PRKG1: variants seen among roughly 807,000 people sequenced by gnomAD.
The protein encoded by PRKG1 is protein kinase cGMP-dependent 1.
A neutral mutation model predicts 88.1 loss-of-function variants in PRKG1; 35 were observed. That is an observed-to-expected ratio of 0.40 (90% CI 0.30 to 0.53). The LOEUF (loss-of-function observed/expected upper bound fraction) is 0.53. Among genes scored for constraint, PRKG1 ranks in the 20% least tolerant of loss-of-function variants. PRKG1 has a pLI of 0.59. For synonymous variants in PRKG1, 303 were observed against 292.5 expected (o/e 1.04, Z -0.37); for missense variants, 540 against 839.8 (o/e 0.64, Z 4.41).
intron 2 of PRKG1, among the ~76,000 whole-genome samples, chr10:51,361,013 G>A (rs1389604387): frequency 1.3e-5 from 2 of 151,808 alleles, no homozygotes; most frequent in Non-Finnish European, 2.9e-5. Flanking sequence ...TGTGTCATTG[G>A]AGCTATAGTA....
At chr10:51,164,958 A>G (rs1437366654) in intron 2 of PRKG1, among the ~76,000 whole-genome samples, 1 of 152,240 alleles carries the variant, frequency 6.6e-6, no homozygotes, top group East Asian at 1.9e-4. Flanking sequence ...AATGGAACCA[A>G]GTTGGAAAAC....
chr10:51,469,268 T>C (rs1320334107), intron 3 of PRKG1, among the ~76,000 whole-genome samples: 1 of 151,888 alleles, frequency 6.6e-6, no homozygotes, highest in Non-Finnish European at 1.5e-5. Flanking sequence ...GAATAGCATA[T>C]TTTGATGATA....
chr10:51,758,143 T>G, intron 3 of PRKG1, among the ~76,000 whole-genome samples: 1 of 152,308 alleles, frequency 6.6e-6, no homozygotes, highest in South Asian at 2.1e-4. Flanking sequence ...AAAAAAAAAT[T>G]TAAACTATGT....
intron 2 of PRKG1, among the ~76,000 whole-genome samples, chr10:51,422,429 G>C (rs1227844652): frequency 6.6e-6 from 1 of 152,166 alleles, no homozygotes; most frequent in Non-Finnish European, 1.5e-5. Context: ...GTTTTCATGG[G>C]CCAGTTGCCG....
intron 2 of PRKG1, among the ~76,000 whole-genome samples, chr10:51,334,867 T>G (rs534732289): frequency 2.0e-5 from 3 of 152,106 alleles, no homozygotes; most frequent in African/African-American, 7.2e-5. Flanking sequence ...TAAAAGGGAA[T>G]GTAGGAGAAG....
intron 3 of PRKG1, among the ~76,000 whole-genome samples, chr10:51,488,819 C>A (rs955924982): frequency 6.6e-6 from 1 of 152,096 alleles, no homozygotes; most frequent in Non-Finnish European, 1.5e-5. Context: ...CTCTTGTTAT[C>A]CCAGGGATTC....
chr10:51,186,063 G>A lies in PRKG1; in HGVS notation c.478+32733G>A, dbSNP rs1435493224. On this transcript the variant is annotated intron_variant, in intron 2 of 17. Transcript: ENST00000373980. ...ACTTCCATATGCATGTTTTGCTTGA[G>A]TACCTGAATAAATCTTTTTGTATCT... is the stretch of plus-strand genomic sequence containing the variant. Among the ~76,000 whole-genome samples, 3 of 151,640 alleles carry A rather than the reference G, an allele frequency of 2.0e-5. No homozygotes were observed. In the East Asian group the frequency reaches 5.8e-4, roughly 29 times the overall value.
chr10:51,776,447 T>C (rs530440908), intron 3 of PRKG1, among the ~76,000 whole-genome samples: 1 of 152,276 alleles, frequency 6.6e-6, no homozygotes, highest in African/African-American at 2.4e-5. Context: ...TTTTAATACA[T>C]TTTAAGACCC....
chr10:51,274,141 T>A (rs1258760047), intron 2 of PRKG1, among the ~76,000 whole-genome samples: 2 of 152,158 alleles, frequency 1.3e-5, no homozygotes, highest in Non-Finnish European at 1.5e-5. Context: ...GTGTCATAAT[T>A]TTTTTTCTGG....
At chr10:51,350,459 A>G (rs998196883) in intron 2 of PRKG1, among the ~76,000 whole-genome samples, 2 of 152,178 alleles carry the variant, frequency 1.3e-5, no homozygotes, top group Non-Finnish European at 2.9e-5. Flanking sequence ...GCCACATACT[A>G]CAGACCCACA....
chr10:51,834,761 GA>G (rs1222844658), intron 4 of PRKG1, among the ~76,000 whole-genome samples: 30 of 151,670 alleles, frequency 2.0e-4, no homozygotes, highest in Non-Finnish European at 7.4e-5. Flanking sequence ...GAAAGGAAAA[GA>G]AAAGAAAAAA....
At chr10:51,398,237 T>A (rs1837633326) in intron 2 of PRKG1, among the ~76,000 whole-genome samples, 1 of 152,164 alleles carries the variant, frequency 6.6e-6, no homozygotes, top group African/African-American at 2.4e-5. Flanking sequence ...AGGATGAAAC[T>A]GTTTCATCTC....
At chr10:52,278,948 A>T (rs1841938472) in intron 12 of PRKG1, among the ~76,000 whole-genome samples, 1 of 152,008 alleles carries the variant, frequency 6.6e-6, no homozygotes, top group Non-Finnish European at 1.5e-5. Context: ...AAATAAAATA[A>T]GACCATTCCC....
intron 1 of PRKG1, among the ~76,000 whole-genome samples, chr10:51,146,895 A>T (rs1845959243): frequency 6.6e-6 from 1 of 152,216 alleles, no homozygotes; most frequent in Admixed American, 6.5e-5. Context: ...GAATCAATCT[A>T]AATGTCCATC....
intron 2 of PRKG1, among the ~76,000 whole-genome samples, chr10:51,261,537 A>T (rs970093742): frequency 3.3e-5 from 5 of 152,216 alleles, no homozygotes; most frequent in African/African-American, 1.2e-4. Context: ...AAAAATTTCC[A>T]GGCACATGTC....
intron 9 of PRKG1, among the ~76,000 whole-genome samples, chr10:52,199,507 A>G (rs1839601952): frequency 6.6e-6 from 1 of 152,174 alleles, no homozygotes; most frequent in Non-Finnish European, 1.5e-5. Flanking sequence ...TTTATATTTT[A>G]GGGAAAATTC....
At chr10:51,690,754 C>T (rs975659229) in intron 3 of PRKG1, among the ~76,000 whole-genome samples, 8 of 151,630 alleles carry the variant, frequency 5.3e-5, no homozygotes, top group South Asian at 4.2e-4. Flanking sequence ...GGTGAAACCC[C>T]GTCTCTACTA....
intron 4 of PRKG1, among the ~76,000 whole-genome samples, chr10:51,862,549 G>A (rs925058356): frequency 3.3e-5 from 5 of 152,260 alleles, no homozygotes; most frequent in South Asian, 4.2e-4. Flanking sequence ...ATGTGTGGCT[G>A]AGTCTGGGAT....
At chr10:51,579,008 T>A (rs954854677) in intron 3 of PRKG1, among the ~76,000 whole-genome samples, 1 of 143,458 alleles carries the variant, frequency 7.0e-6, no homozygotes, top group Non-Finnish European at 1.5e-5. Context: ...TTTTTTTTTT[T>A]AGACAGAGTC....
Sources: allele counts gnomAD v4.1 joint callset (sites outside exome capture counted in the v4.1 genomes callset), GRCh38; gene constraint gnomAD v4.1.1; transcripts MANE v1.5; gene names NCBI Gene and HGNC (gene_info 2026-07-23, HGNC 2026-07-21).